Variants in RANBP10 observed in about 807,000 individuals in gnomAD.
The protein encoded by RANBP10 is RAN binding protein 10, also known as ran-binding protein 10.
RANBP10 carries 24 observed loss-of-function variants against 72.8 expected under a neutral mutation model. The observed-to-expected ratio is 0.33, with a 90% confidence interval of 0.24 to 0.46. The LOEUF (loss-of-function observed/expected upper bound fraction) is 0.46. RANBP10 is among the 20% of genes least tolerant of loss of function. RANBP10 has a pLI of 1.00. For missense variants in RANBP10, 679 were observed against 817.5 expected (o/e 0.83, Z 2.07); for synonymous variants, 310 against 322.3 (o/e 0.96, Z 0.41).
chr16:67,755,251 T>G (rs1365656994), intron 3 of RANBP10, among the ~76,000 whole-genome samples: 1 of 152,012 alleles, frequency 6.6e-6, no homozygotes, highest in Non-Finnish European at 1.5e-5. Flanking sequence ...GAAGCCAAAG[T>G]CAGCAACTTT....
chr16:67,779,961 C>T (rs1012429788), intron 2 of RANBP10, among the ~76,000 whole-genome samples: 5 of 152,130 alleles, frequency 3.3e-5, no homozygotes, highest in East Asian at 1.9e-4. Context: ...GGGCCAGGCA[C>T]GGTGGCTCAC....
intron 2 of RANBP10, among the ~76,000 whole-genome samples, chr16:67,786,330 AAAAAAT>A (rs1053591704): frequency 4.6e-5 from 7 of 152,156 alleles, no homozygotes; most frequent in East Asian, 1.9e-4. Flanking sequence ...ATCCATCTGA[AAAAAAT>A]AAAAATAAAA....
chr16:67,763,503 C>T (rs2143010519), intron 3 of RANBP10: 1 of 152,302 alleles, frequency 6.6e-6, no homozygotes, highest in South Asian at 2.1e-4. Flanking sequence ...GTGGGATCTG[C>T]TCAAGGGCAG....
intron 4 of RANBP10, 63 bp from the exon 5 acceptor site, chr16:67,738,098 A>G (rs757640423): frequency 8.0e-6 from 12 of 1,493,870 alleles, no homozygotes; most frequent in Middle Eastern, 3.5e-4. Flanking sequence ...TCTGCACCCC[A>G]TGGTGGAGCC....
intron 2 of RANBP10, among the ~76,000 whole-genome samples, chr16:67,800,468 T>G (rs1012882091): frequency 3.9e-5 from 6 of 152,172 alleles, no homozygotes; most frequent in African/African-American, 1.4e-4. Context: ...AGCCACACCC[T>G]CCATGTGTCA....
rs1372406016 is a variant in RANBP10, at chr16:67,735,013, C to T, written c.621G>A (p.Gln207=). The change falls in exon 6 of 14, where the codon CAG becomes CAA. Residue 207 remains glutamine, a synonymous_variant. Transcript: ENST00000317506. ...TGGCGTCCACAATCTCCCCAGGTGT[C>T]TGCAGGCCTACGGTGGGGTAGAGGT... ...PANLYPTVGL[Q]TPGEIVDANF... 3.7e-6 allele frequency: 6 copies of T among 1,611,452 alleles called. No individual in the cohort carries two copies. The African/African-American group carries it at 6.7e-5, about 18-fold the overall frequency.
chr16:67,793,086 G>A (rs549026601), intron 2 of RANBP10, among the ~76,000 whole-genome samples: 59 of 152,172 alleles, frequency 3.9e-4, no homozygotes, highest in African/African-American at 1.3e-3. Flanking sequence ...GCCCGTAACC[G>A]GAGGGTGTAG....
At chr16:67,793,291 G>T (rs1351424965) in intron 2 of RANBP10, among the ~76,000 whole-genome samples, 3 of 150,512 alleles carry the variant, frequency 2.0e-5, no homozygotes, top group African/African-American at 7.3e-5. Flanking sequence ...CACTGGCCTT[G>T]AGTTGGCTGG....
chr16:67,748,286 G>C (rs566764586), intron 3 of RANBP10, among the ~76,000 whole-genome samples: 1 of 151,666 alleles, frequency 6.6e-6, no homozygotes, highest in Non-Finnish European at 1.5e-5. Context: ...TTGGGAGGCC[G>C]AGGCAGGAGG....
At chr16:67,745,321 C>T (rs1449083747) in intron 3 of RANBP10, among the ~76,000 whole-genome samples, 1 of 150,560 alleles carries the variant, frequency 6.6e-6, no homozygotes, top group Non-Finnish European at 1.5e-5. Flanking sequence ...TAGTAAGATT[C>T]TCTCTTTTAT....
chr16:67,744,092 C>A (rs566391474), intron 4 of RANBP10, 196 bp downstream of exon 4: 33 of 985,228 alleles, frequency 3.3e-5, no homozygotes, highest in Non-Finnish European at 3.7e-5. Context: ...GCTGGATAAA[C>A]GCAGCTGACT....
chr16:67,726,759 G>A (rs757740158), intron 13 of RANBP10, among the ~76,000 whole-genome samples: 46 of 152,362 alleles, frequency 3.0e-4, no homozygotes, highest in Non-Finnish European at 5.0e-4. Context: ...GCCCCATGTA[G>A]AGCGCTGGGC....
Position 67,796,560 on chromosome 16 carries a change from T to C in RANBP10, c.347+8868A>G, listed in dbSNP as rs2055138705. Among the ~76,000 whole-genome samples, 4 of 152,164 alleles carry C rather than the reference T, an allele frequency of 2.6e-5. 1 individual carries two copies. In the South Asian group the frequency reaches 8.3e-4, roughly 31 times the overall value. On this transcript the variant is annotated intron_variant, in intron 2 of 13. Transcript: ENST00000317506. The stretch of plus-strand genomic sequence containing the variant: ...TTATAGCTGCCTGATGTGCTGTGCA[T>C]TGAGAAAAATTCTGGGCTCTGTCTG...
chr16:67,764,491 A>G (rs974448310), intron 3 of RANBP10, among the ~76,000 whole-genome samples: 2 of 152,144 alleles, frequency 1.3e-5, no homozygotes, highest in Non-Finnish European at 2.9e-5. Context: ...TTGCCAGGCC[A>G]TTTTATTAAT....
intron 6 of RANBP10, among the ~76,000 whole-genome samples, chr16:67,734,243 C>A (rs2053793960): frequency 6.6e-6 from 1 of 152,242 alleles, no homozygotes; most frequent in Non-Finnish European, 1.5e-5. Flanking sequence ...ACACCCACCT[C>A]CTGGCAGAGT....
chr16:67,734,783 T>C (rs1755500606), intron 6 of RANBP10, 75 bp downstream of exon 6: 2 of 1,376,412 alleles, frequency 1.5e-6, no homozygotes, highest in Non-Finnish European at 1.9e-6. Flanking sequence ...GAACAGCTTG[T>C]AGCCCTACAG....
rs1267937742 is a variant in RANBP10, at chr16:67,724,560, T to C, written c.*1868A>G. The C allele has an allele frequency of 6.6e-6, 1 of 152,188 alleles. No individual in the cohort carries two copies. The highest frequency in any genetic ancestry group is 1.5e-5 in the Non-Finnish European group (1 of 68,026). The allele number at this position is 152,188 out of a possible 1,614,324, so 9.4% of individuals were successfully genotyped here. A position where few individuals can be genotyped will look rare whatever the true frequency, so the allele number is the denominator to read the frequency against. On this transcript the variant is annotated 3_prime_UTR_variant, in exon 14 of 14. Coordinates refer to ENST00000317506, the MANE Select transcript of RANBP10 (RefSeq NM_020850.3). The stretch of plus-strand genomic sequence containing the variant: ...TTTCCTTTACAGACAGGACGCCTCC[T>C]AACAGGCCATGGTCTATGGGTCTGC...
At chr16:67,802,951 C>G (rs2055264518) in intron 2 of RANBP10, among the ~76,000 whole-genome samples, 1 of 152,190 alleles carries the variant, frequency 6.6e-6, no homozygotes, top group African/African-American at 2.4e-5. Flanking sequence ...AGATAACTAA[C>G]TCAGCTGTTA....
At chr16:67,762,826 A>C (rs1405781065) in intron 3 of RANBP10, among the ~76,000 whole-genome samples, 1 of 152,238 alleles carries the variant, frequency 6.6e-6, no homozygotes, top group Admixed American at 6.5e-5. Context: ...CAAGTGCATG[A>C]TGCCAGGTGC....
Sources: gnomAD v4.1 joint callset for allele counts (sites outside exome capture counted in the v4.1 genomes callset) on GRCh38, gnomAD v4.1.1 for gene constraint, MANE v1.5 for transcripts, NCBI Gene and HGNC (gene_info 2026-07-23, HGNC 2026-07-21) for gene names.